Variants in CELF2 observed in about 807,000 individuals in gnomAD.
CELF2 encodes CUG triplet repeat RNA-binding protein 2.
A neutral mutation model predicts 62.6 loss-of-function variants in CELF2; 8 were observed. That is an observed-to-expected ratio of 0.13 (90% CI 0.07 to 0.23). The LOEUF (loss-of-function observed/expected upper bound fraction) is 0.23, where lower values mean the gene tolerates loss of function less well. Ranked by LOEUF, CELF2 falls within the 10% of genes least tolerant of loss-of-function variation. The pLI is 1.00. For synonymous variants in CELF2, 258 were observed against 250.0 expected, an observed-to-expected ratio of 1.03 and a Z score of -0.30; for missense variants, 333 against 671.0, an observed-to-expected ratio of 0.50 and a Z score of 5.56.
chr10:10,878,142 C>A (rs1207839230), intron 1 of CELF2, among the ~76,000 whole-genome samples: 1 of 152,142 alleles, frequency 6.6e-6, no homozygotes, highest in Non-Finnish European at 1.5e-5. Flanking sequence ...ATGAACACCA[C>A]CTCCTACACT....
the CELF2 span, among the ~76,000 whole-genome samples, chr10:10,790,366 T>C: frequency 6.6e-6 from 1 of 152,162 alleles, no homozygotes; most frequent in African/African-American, 2.4e-5. Context: ...AGTACTTATA[T>C]GTATGTAGGC....
chr10:10,833,608 C>T (rs977660549), intron 1 of CELF2, among the ~76,000 whole-genome samples: 1 of 152,122 alleles, frequency 6.6e-6, no homozygotes, highest in Admixed American at 6.5e-5. Context: ...AGTGCGTGCA[C>T]AGCCCCATGT....
chr10:10,971,704 A>C (rs1196637175), intron 2 of CELF2, among the ~76,000 whole-genome samples: 1 of 152,188 alleles, frequency 6.6e-6, no homozygotes, highest in Non-Finnish European at 1.5e-5. Context: ...CTTGTGCCTC[A>C]GCCTCCCAAG....
intron 1 of CELF2, among the ~76,000 whole-genome samples, chr10:11,025,860 G>C (rs960493537): frequency 6.6e-6 from 1 of 152,350 alleles, no homozygotes; most frequent in East Asian, 1.9e-4. Flanking sequence ...CTTCTGCCCA[G>C]AACTTTGGAT....
rs1205774034 is a variant in CELF2, at chr10:10,957,141, C to G, written c.89+37142C>G. 5.3e-5 allele frequency among the ~76,000 whole-genome samples: 8 copies of G among 152,180 alleles called. No homozygotes were observed. The highest frequency in any genetic ancestry group is 5.2e-4 in the Admixed American group (8 of 15,284). Reference sequence around the variant, plus strand: ...GGCAGCCACCTTCTCCTCTAATCCTCTCTTTGCTGTGCCTCTCTGGAGTTC... The same window carrying G: ...GGCAGCCACCTTCTCCTCTAATCCTGTCTTTGCTGTGCCTCTCTGGAGTTC... On this transcript the variant is annotated intron_variant, in intron 2 of 13. Coordinates refer to the CELF2 transcript ENST00000636488. This position sits in a 1 kb window ranked among gnomAD's most constrained non-coding sequence, Gnocchi z 4.1.
chr10:10,587,012 A>T, the CELF2 span, among the ~76,000 whole-genome samples: 1 of 152,198 alleles, frequency 6.6e-6, no homozygotes, highest in South Asian at 2.1e-4. Context: ...TGGTTTCTGC[A>T]AACAAAGTAC....
At chr10:11,099,884 CAAAA>C (rs869282674) in intron 1 of CELF2, among the ~76,000 whole-genome samples, 3 of 93,510 alleles carry the variant, frequency 3.2e-5, no homozygotes, top group African/African-American at 1.0e-4. Context: ...ACAACAACAA[CAAAA>C]AAAAAAAAAA....
Position 11,296,382 on chromosome 10 carries a change from C to G in CELF2, c.976+7830C>G, listed in dbSNP as rs577427024. Among the ~76,000 whole-genome samples, 223 of 152,220 alleles carry G rather than the reference C, an allele frequency of 1.5e-3. 1 individual carries two copies. Among genetic ancestry groups the G allele is most frequent in the African/African-American group, 5.3e-3 (219 of 41,514 alleles). On this transcript the variant is annotated intron_variant, in intron 9 of 12. Coordinates refer to ENST00000633077, the MANE Select transcript of CELF2 (RefSeq NM_001326342.2). The surrounding 1 kb of genome is among the most constrained non-coding windows in gnomAD (Gnocchi z 5.0). ...ATGAGCTCAGGCTGTGTTTTCTGTC[C>G]AGCCACTTAATGAGATTTTTTATTC...
At chr10:10,463,722 G>A in the CELF2 span, among the ~76,000 whole-genome samples, 2 of 152,042 alleles carry the variant, frequency 1.3e-5, no homozygotes, top group East Asian at 3.9e-4. Context: ...CTTGGATTTG[G>A]GTCAAGAAAC....
chr10:10,714,719 T>A, the CELF2 span, among the ~76,000 whole-genome samples: 1 of 152,170 alleles, frequency 6.6e-6, no homozygotes, highest in East Asian at 1.9e-4. Context: ...AAATAACTTC[T>A]CCAAAATGTA....
At chr10:10,822,523 C>A (rs2057048954) in intron 1 of CELF2, among the ~76,000 whole-genome samples, 1 of 152,188 alleles carries the variant, frequency 6.6e-6, no homozygotes, top group Admixed American at 6.5e-5. Flanking sequence ...GCCCTCAAAA[C>A]CCCTTGGATT....
rs372702918 is a variant in CELF2 at position 11,214,360 on chromosome 10, A to G, written c.272-3065A>G. Among the ~76,000 whole-genome samples, 13 of 152,248 alleles carry G rather than the reference A, an allele frequency of 8.5e-5. No homozygotes were observed. The highest frequency in any genetic ancestry group is 3.1e-4 in the African/African-American group (13 of 41,480). Reference sequence around the variant, plus strand: ...GATATTTCCCCACGGTAAGTCATTCAGAAACTAAATGTGAAAAACCAAAAG... The same window carrying G: ...GATATTTCCCCACGGTAAGTCATTCGGAAACTAAATGTGAAAAACCAAAAG... On this transcript the variant is annotated intron_variant, in intron 2 of 12. Transcript: ENST00000633077. This position sits in a 1 kb window ranked among gnomAD's most constrained non-coding sequence, Gnocchi z 4.2.
intron 3 of CELF2, among the ~76,000 whole-genome samples, chr10:11,230,295 A>T (rs910174167): frequency 1.3e-5 from 2 of 151,210 alleles, no homozygotes; most frequent in South Asian, 2.1e-4. Context: ...GAAAAAATTA[A>T]TTTTTTTTTT....
At chr10:11,195,001 T>G (rs1245635922) in intron 2 of CELF2, among the ~76,000 whole-genome samples, 1 of 152,218 alleles carries the variant, frequency 6.6e-6, no homozygotes, top group African/African-American at 2.4e-5. Context: ...AAGCATCCTG[T>G]GGCACTCATC....
Position 10,995,231 on chromosome 10 carries a change from C to T in CELF2, c.89+75232C>T, listed in dbSNP as rs915452214. Among the ~76,000 whole-genome samples the T allele has an allele frequency of 1.3e-5, 2 of 152,170 alleles. No homozygotes were observed. The highest frequency in any genetic ancestry group is 4.8e-5 in the African/African-American group (2 of 41,442). ...CACTGTAGTCCTTCAGAAAAAGAAACGTGTGGCTCATGTAGCTCGTCACAT... is the reference window on the plus strand; with the variant it reads ...CACTGTAGTCCTTCAGAAAAAGAAATGTGTGGCTCATGTAGCTCGTCACAT... On this transcript the variant is annotated intron_variant, in intron 2 of 13. Transcript: ENST00000636488. The surrounding 1 kb of genome is among the most constrained non-coding windows in gnomAD (Gnocchi z 4.7).
chr10:10,862,928 A>G (rs2060129654), intron 1 of CELF2, among the ~76,000 whole-genome samples: 1 of 152,216 alleles, frequency 6.6e-6, no homozygotes, highest in Non-Finnish European at 1.5e-5. Context: ...ATAAGGGCAG[A>G]GTAAGTGGCA....
the CELF2 span, among the ~76,000 whole-genome samples, chr10:10,736,152 G>A: frequency 6.6e-6 from 1 of 152,138 alleles, no homozygotes; most frequent in African/African-American, 2.4e-5. Flanking sequence ...TTTCTGGGCA[G>A]CCAAAACAAG....
chr10:10,890,068 C>T (rs1465424469), intron 1 of CELF2, among the ~76,000 whole-genome samples: 2 of 151,926 alleles, frequency 1.3e-5, no homozygotes, highest in South Asian at 2.1e-4. Context: ...GTTTTTTTCC[C>T]CTAAACTGCA....
intron 1 of CELF2, among the ~76,000 whole-genome samples, chr10:10,839,569 T>A (rs1439973593): frequency 6.6e-6 from 1 of 152,252 alleles, no homozygotes; most frequent in South Asian, 2.1e-4. Context: ...CCCTTGGCCT[T>A]ACATATTTCA....
Sources: gnomAD v4.1 joint callset for allele counts (sites outside exome capture counted in the v4.1 genomes callset) on GRCh38, gnomAD v4.1.1 for gene constraint, Gnocchi (gnomAD v3.1) non-coding constraint, MANE v1.5 for transcripts, NCBI Gene and HGNC (gene_info 2026-07-23, HGNC 2026-07-21) for gene names.